LPP: variants seen among roughly 807,000 people sequenced by gnomAD.
The protein encoded by LPP is LIM domain containing preferred translocation partner in lipoma.
LPP carries 38 observed loss-of-function variants against 60.4 expected under a neutral mutation model. The observed-to-expected ratio is 0.63, with a 90% confidence interval of 0.49 to 0.83. The LOEUF is 0.83. LPP is among the 40% of genes least tolerant of loss of function. The pLI is 0.00. For missense variants in LPP, 902 were observed against 783.6 expected, an observed-to-expected ratio of 1.15 and a Z score of -1.80; for synonymous variants, 328 against 290.8, an observed-to-expected ratio of 1.13 and a Z score of -1.30.
At position 188,780,345 on chromosome 3, in the gene LPP, T is replaced by A. The variant is rs1739239259; in HGVS notation, c.1410+20063T>A. ...AGTATCCAAAATGATTCTGTAATGA[T>A]GTCTGTGAGGTCAGAATTGGAGCAG... On this transcript the variant is annotated intron_variant, in intron 9 of 11. Coordinates refer to ENST00000617246, the MANE Select transcript of LPP (RefSeq NM_001375462.1). 2.0e-5 allele frequency among the ~76,000 whole-genome samples: 3 copies of A among 152,372 alleles called. No homozygotes were observed. The South Asian group carries it at 6.2e-4, about 32-fold the overall frequency.
chr3:188,493,582 C>T (rs1366069312), intron 5 of LPP, among the ~76,000 whole-genome samples: 1 of 151,940 alleles, frequency 6.6e-6, no homozygotes, highest in Non-Finnish European at 1.5e-5. Flanking sequence ...GTGTGTACCA[C>T]CATGCCCAGC....
At chr3:188,773,898 A>T (rs79195351) in intron 9 of LPP, among the ~76,000 whole-genome samples, 3,341 of 152,254 alleles carry the variant, frequency 0.022, 109 homozygotes, top group African/African-American at 0.071. Context: ...GTCTTCATGG[A>T]GGAAGAGACC....
At position 188,837,382 on chromosome 3, in the gene LPP, C is replaced by CATCATAATAATA. The variant is rs370487700; in HGVS notation, c.1411-28816_1411-28815insCATAATAATAAT. Among the ~76,000 whole-genome samples, 501 of 140,382 alleles carry CATCATAATAATA rather than the reference C, an allele frequency of 3.6e-3. 3 individuals are homozygous for CATCATAATAATA. The highest frequency in any genetic ancestry group is 5.5e-3 in the Non-Finnish European group (358 of 65,234). The allele number at this position is 140,382 out of a possible 152,430, so 92.1% of individuals were successfully genotyped here. ...TGACAGAATGAGACTCCATCTCAAA[C>CATCATAATAATA]ATAATAATAATAATAATAATAATAA... On this transcript the variant is annotated intron_variant, in intron 9 of 11. Coordinates refer to ENST00000617246, the MANE Select transcript of LPP (RefSeq NM_001375462.1).
At chr3:188,594,258 A>G (rs1231138611) in intron 6 of LPP, among the ~76,000 whole-genome samples, 2 of 152,206 alleles carry the variant, frequency 1.3e-5, no homozygotes. Flanking sequence ...ATTTTTACCC[A>G]GAATCTTGAA....
At chr3:188,281,289 A>G (rs1448088535) in intron 2 of LPP, among the ~76,000 whole-genome samples, 1 of 152,130 alleles carries the variant, frequency 6.6e-6, no homozygotes, top group Non-Finnish European at 1.5e-5. Context: ...TAGAAAGAGT[A>G]TATTTCTTGG....
intron 1 of LPP, among the ~76,000 whole-genome samples, chr3:188,221,124 C>T (rs1289597287): frequency 3.9e-5 from 6 of 152,212 alleles, no homozygotes; most frequent in African/African-American, 1.2e-4. Context: ...CATTCCTCTG[C>T]ATCCTCTGTC....
In LPP at chr3:188,609,725, T is replaced by C. The variant is rs547673813; in HGVS notation, c.994T>C (p.Tyr332His). The C allele has an allele frequency of 1.9e-6, 3 of 1,614,076 alleles. No individual in the cohort carries two copies. Among genetic ancestry groups the C allele is most frequent in the Non-Finnish European group, 2.5e-6 (3 of 1,180,004 alleles). ...AAATACCTGGAAACGGGAACCAGGGTACACTCCTCCTGGAGCAGGGAACCA... is the reference window on the plus strand; with the variant it reads ...AAATACCTGGAAACGGGAACCAGGGCACACTCCTCCTGGAGCAGGGAACCA... Reference protein sequence around the residue: ...HPNTWKREPGYTPPGAGNQNP... With the variant: ...HPNTWKREPGHTPPGAGNQNP... Residue 332 changes from tyrosine (Y) to histidine (H), a missense_variant, in exon 7 of 12, where the codon TAC (tyrosine) becomes CAC (histidine). Coordinates refer to ENST00000617246, the MANE Select transcript of LPP (RefSeq NM_001375462.1). The surrounding 1 kb of genome is among the most constrained non-coding windows in gnomAD (Gnocchi z 6.9).
At chr3:188,207,271 G>T (rs1577295640) in intron 1 of LPP, among the ~76,000 whole-genome samples, 3 of 114,694 alleles carry the variant, frequency 2.6e-5, no homozygotes. Context: ...TTGCCCTGTT[G>T]TCCAGGCTTG....
At chr3:188,776,672 G>A (rs2150784053) in intron 9 of LPP, among the ~76,000 whole-genome samples, 1 of 152,276 alleles carries the variant, frequency 6.6e-6, no homozygotes, top group South Asian at 2.1e-4. Context: ...TTCTGATAAG[G>A]TGAATACTTA....
intron 2 of LPP, among the ~76,000 whole-genome samples, chr3:188,322,866 G>GTAAA (rs1301034687): frequency 1.3e-5 from 2 of 152,172 alleles, no homozygotes; most frequent in Non-Finnish European, 2.9e-5. Flanking sequence ...ACCTATCTCA[G>GTAAA]GACCCAATAC....
chr3:188,406,216 C>G lies in LPP; in HGVS notation c.96C>G (p.Pro32=). Residue 32 remains proline (P), a synonymous_variant, in exon 4 of 12, where the codon CCC becomes CCG. Coordinates refer to ENST00000617246, the MANE Select transcript of LPP (RefSeq NM_001375462.1). ...AGACCACCCATTCCTTTGGGAACCC[C>G]AGCATTTCAGTGTCTACACAACAGC... is the stretch of plus-strand genomic sequence containing the variant. The part of the protein sequence containing the change: ...RMETTHSFGN[P]SISVSTQQPP... The G allele has an allele frequency of 6.2e-7, 1 of 1,614,158 alleles. No individual in the cohort carries two copies. The highest frequency in any genetic ancestry group is 1.1e-5 in the South Asian group (1 of 91,088).
chr3:188,520,233 T>C (rs1043108576), intron 5 of LPP, among the ~76,000 whole-genome samples: 1 of 152,252 alleles, frequency 6.6e-6, no homozygotes, highest in African/African-American at 2.4e-5. Flanking sequence ...AGGATTTTTG[T>C]GGTCCTTGGT....
At chr3:188,607,510 T>G (rs1320645832) in intron 6 of LPP, among the ~76,000 whole-genome samples, 2 of 151,476 alleles carry the variant, frequency 1.3e-5, no homozygotes, top group Non-Finnish European at 2.9e-5. Context: ...TTTATTTATG[T>G]TCTTCATGGT....
chr3:188,596,527 C>T lies in LPP; in HGVS notation c.430-12634C>T, dbSNP rs565963264. ...AATACGTTAGAAGAAGAATTTTTTTCTCCTATACAATCTACAGTGTAACTG... is the reference window on the plus strand; with the variant it reads ...AATACGTTAGAAGAAGAATTTTTTTTTCCTATACAATCTACAGTGTAACTG... On this transcript the variant is annotated intron_variant, in intron 6 of 11. Coordinates refer to ENST00000617246, the MANE Select transcript of LPP (RefSeq NM_001375462.1). Among the ~76,000 whole-genome samples, 38 of 151,998 alleles carry T rather than the reference C, an allele frequency of 2.5e-4. 1 individual carries two copies. The South Asian group carries it at 7.7e-3, about 31-fold the overall frequency.
At chr3:188,494,442 C>T (rs929393950) in intron 5 of LPP, among the ~76,000 whole-genome samples, 1 of 152,148 alleles carries the variant, frequency 6.6e-6, no homozygotes, top group African/African-American at 2.4e-5. Context: ...GTGGCAGAGT[C>T]CTTTTTGTTA....
intron 4 of LPP, among the ~76,000 whole-genome samples, chr3:188,441,284 T>C (rs146956721): frequency 1.3e-5 from 2 of 152,202 alleles, no homozygotes; most frequent in Non-Finnish European, 2.9e-5. Flanking sequence ...ACAGTAATCT[T>C]CACCATGCTG....
chr3:188,396,917 G>A (rs1355431350), intron 3 of LPP, among the ~76,000 whole-genome samples: 5 of 152,140 alleles, frequency 3.3e-5, no homozygotes, highest in Non-Finnish European at 5.9e-5. Flanking sequence ...ATCATTAGTT[G>A]CTTATTATTT....
chr3:188,683,011 T>G (rs1398304255), intron 7 of LPP, among the ~76,000 whole-genome samples: 1 of 152,140 alleles, frequency 6.6e-6, no homozygotes, highest in Non-Finnish European at 1.5e-5. Flanking sequence ...TACAGTAGCA[T>G]AGGATCCTAA....
At chr3:188,515,802 G>A (rs1817193268) in intron 5 of LPP, among the ~76,000 whole-genome samples, 1 of 152,158 alleles carries the variant, frequency 6.6e-6, no homozygotes, top group South Asian at 2.1e-4. Flanking sequence ...AGATAAGAAG[G>A]ATTTTAGGGA....
Sources: allele counts gnomAD v4.1 joint callset (sites outside exome capture counted in the v4.1 genomes callset), GRCh38; gene constraint gnomAD v4.1.1; non-coding constraint Gnocchi (gnomAD v3.1); transcripts MANE v1.5; gene names NCBI Gene and HGNC (gene_info 2026-07-23, HGNC 2026-07-21).